Variants in CREG2 observed in about 807,000 individuals in gnomAD.
CREG2 encodes protein CREG2.
A neutral mutation model predicts 26.2 loss-of-function variants in CREG2; 24 were observed. The ratio of observed to expected loss-of-function variants is 0.92; its 90% CI spans 0.66 to 1.29. The LOEUF is 1.29. Among genes scored for constraint, CREG2 ranks in the 50% most tolerant of loss-of-function variants. The probability of loss-of-function intolerance (pLI) is 0.00; values close to 1 mark genes in which losing one functional copy is unlikely to be tolerated. For synonymous variants in CREG2, 174 were observed against 169.2 expected (o/e 1.03, Z -0.22); for missense variants, 366 against 398.6 (o/e 0.92, Z 0.70).
At chr2:101,354,908 A>T (rs1440544981) in intron 3 of CREG2, among the ~76,000 whole-genome samples, 1 of 152,122 alleles carries the variant, frequency 6.6e-6, no homozygotes, top group Non-Finnish European at 1.5e-5. Context: ...CTGCGCTGGC[A>T]TCCCCAGCAG....
chr2:101,355,993 G>A (rs1684452559), intron 2 of CREG2, among the ~76,000 whole-genome samples: 1 of 152,020 alleles, frequency 6.6e-6, no homozygotes, highest in Non-Finnish European at 1.5e-5. Context: ...GAAGAATCAG[G>A]TCATACAGAC....
At chr2:101,358,509 T>C (rs1208633881) in intron 2 of CREG2, among the ~76,000 whole-genome samples, 1 of 152,232 alleles carries the variant, frequency 6.6e-6, no homozygotes, top group Non-Finnish European at 1.5e-5. Flanking sequence ...TTGTTTATGA[T>C]GGCAAAAATT....
Position 101,387,249 on chromosome 2 carries a change from C to T in CREG2, c.209G>A (p.Trp70Ter), listed in dbSNP as rs1435151203. Residue 70 changes from tryptophan (W) to a stop codon, truncating the protein, a stop_gained, in exon 1 of 4, where the codon TGG (tryptophan) becomes TAG (stop). Transcript: ENST00000324768. LOFTEE classifies it high-confidence loss of function. The surrounding 1 kb of genome is among the most constrained non-coding windows in gnomAD (Gnocchi z 4.7). ...GGCAGAGGCGGGGAAGCTTTGCTGC[C>T]AGATGCTGCCCGAATCCTCTAGCAG... ...PALLEDSGSI[W>*]QQSFPASAHK... The T allele has an allele frequency of 1.4e-5, 21 of 1,452,968 alleles. No homozygotes were observed. The highest frequency in any genetic ancestry group is 1.8e-6 in the Non-Finnish European group (2 of 1,092,378). 90.0% of individuals were successfully genotyped at this position (1,452,968 alleles called of 1,614,324 possible).
intron 2 of CREG2, among the ~76,000 whole-genome samples, chr2:101,361,331 T>C (rs957379783): frequency 3.3e-5 from 5 of 152,202 alleles, no homozygotes; most frequent in Admixed American, 6.5e-5. Flanking sequence ...TATGTTCCCT[T>C]ACATGGCAAA....
intron 1 of CREG2, 146 bp from the exon 2 acceptor site, chr2:101,383,848 C>T: frequency 1.4e-6 from 1 of 708,420 alleles, no homozygotes; most frequent in Non-Finnish European, 2.3e-6. Context: ...GGTAGTAAAT[C>T]AAGGTGAGGT....
At chr2:101,381,737 T>C (rs1684877263) in intron 2 of CREG2, among the ~76,000 whole-genome samples, 1 of 152,208 alleles carries the variant, frequency 6.6e-6, no homozygotes, top group Non-Finnish European at 1.5e-5. Context: ...GAGATGCTCT[T>C]GCCCTTGGCC....
chr2:101,355,946 T>C (rs543750408), intron 2 of CREG2, among the ~76,000 whole-genome samples: 1 of 152,298 alleles, frequency 6.6e-6, no homozygotes, highest in Non-Finnish European at 1.5e-5. Flanking sequence ...ACGTACACCC[T>C]GCCCTCTTGG....
intron 2 of CREG2, among the ~76,000 whole-genome samples, chr2:101,374,040 A>G (rs910463288): frequency 6.6e-6 from 1 of 152,006 alleles, no homozygotes; most frequent in African/African-American, 2.4e-5. Context: ...TAATTTTTTT[A>G]TTTTTTGTAG....
chr2:101,377,142 T>C (rs1244355847), intron 2 of CREG2, among the ~76,000 whole-genome samples: 1 of 152,170 alleles, frequency 6.6e-6, no homozygotes, highest in African/African-American at 2.4e-5. Flanking sequence ...AAGTGATAAA[T>C]TGTTATTTTT....
intron 2 of CREG2, among the ~76,000 whole-genome samples, chr2:101,364,256 C>T (rs1217556136): frequency 1.3e-5 from 2 of 152,188 alleles, no homozygotes; most frequent in African/African-American, 4.8e-5. Flanking sequence ...TCAACCTTGG[C>T]ACGGTTGACA....
At chr2:101,375,092 C>T (rs1275111002) in intron 2 of CREG2, among the ~76,000 whole-genome samples, 3 of 152,208 alleles carry the variant, frequency 2.0e-5, no homozygotes, top group Admixed American at 1.3e-4. Flanking sequence ...GCAGGGATTA[C>T]ATCTACGTCC....
At chr2:101,368,489 G>A (rs571048468) in intron 2 of CREG2, among the ~76,000 whole-genome samples, 2 of 152,272 alleles carry the variant, frequency 1.3e-5, no homozygotes, top group South Asian at 4.1e-4. Flanking sequence ...GTTGAGGGCT[G>A]CAGACAGCAA....
intron 2 of CREG2, among the ~76,000 whole-genome samples, chr2:101,359,073 G>A (rs112988402): frequency 0.098 from 9,935 of 100,892 alleles, 3,825 homozygotes; most frequent in African/African-American, 0.27. Context: ...AAAAAAAAAA[G>A]AGAGAACTGA....
chr2:101,366,909 A>C (rs1032720502), intron 2 of CREG2, among the ~76,000 whole-genome samples: 2 of 152,222 alleles, frequency 1.3e-5, no homozygotes, highest in Non-Finnish European at 2.9e-5. Flanking sequence ...ACTAGGTATT[A>C]TAAGTAATCT....
chr2:101,364,238 A>T (rs144269239), intron 2 of CREG2, among the ~76,000 whole-genome samples: 1 of 152,248 alleles, frequency 6.6e-6, no homozygotes, highest in East Asian at 1.9e-4. Flanking sequence ...GGTGTAGACC[A>T]GGCTTTCTCA....
At chr2:101,361,204 C>T (rs1674317136) in intron 2 of CREG2, among the ~76,000 whole-genome samples, 1 of 152,138 alleles carries the variant, frequency 6.6e-6, no homozygotes, top group South Asian at 2.1e-4. Flanking sequence ...AAATAGAAAA[C>T]TTTGCATTTA....
chr2:101,380,691 C>T (rs11888945), intron 2 of CREG2, among the ~76,000 whole-genome samples: 35,641 of 151,922 alleles, frequency 0.23, 4,776 homozygotes, highest in South Asian at 0.35. Flanking sequence ...TGCCTGTAAT[C>T]CCAAGCGTGG....
At position 101,386,999 on chromosome 2, in the gene CREG2, T is replaced by C; in HGVS notation, c.441+18A>G. On this transcript the variant is annotated intron_variant, in intron 1 of 3. Coordinates refer to ENST00000324768, the MANE Select transcript of CREG2 (RefSeq NM_153836.4). ...GCCTGAATGCCAGGCCCCCTCGCGC[T>C]CCCCGCCGGGCGCTCACCTTCTTGT... The C allele has an allele frequency of 6.5e-6, 8 of 1,231,644 alleles. No individual in the cohort carries two copies. Among genetic ancestry groups the C allele is most frequent in the Non-Finnish European group, 5.1e-6 (5 of 988,526 alleles). The allele number at this position is 1,231,644 out of a possible 1,614,324, so 76.3% of individuals were successfully genotyped here.
intron 2 of CREG2, among the ~76,000 whole-genome samples, chr2:101,363,851 A>AACAC (rs5832961): frequency 0.046 from 6,707 of 146,026 alleles, 185 homozygotes; most frequent in Non-Finnish European, 0.048. Flanking sequence ...CCCTGTCTCA[A>AACAC]ACACACACAC....
Sources: gnomAD v4.1 joint callset for allele counts (sites outside exome capture counted in the v4.1 genomes callset) on GRCh38, gnomAD v4.1.1 for gene constraint, Gnocchi (gnomAD v3.1) non-coding constraint, MANE v1.5 for transcripts, NCBI Gene and HGNC (gene_info 2026-07-23, HGNC 2026-07-21) for gene names.